Variants in HACL2 observed in about 807,000 individuals in gnomAD.
HACL2 encodes 2-hydroxyacyl-CoA lyase 1 like.
chr19:15,115,279 G>A, the HACL2 span: 1 of 1,614,160 alleles, frequency 6.2e-7, no homozygotes, highest in Non-Finnish European at 8.5e-7. Flanking sequence ...CATCGCGGAA[G>A]TCCGTCCTCC....
At chr19:15,123,019 C>A in the HACL2 span, 2 of 1,604,348 alleles carry the variant, frequency 1.2e-6, no homozygotes, top group Non-Finnish European at 8.5e-7. This position sits in a 1 kb window ranked among gnomAD's most constrained non-coding sequence, Gnocchi z 5.1. Context: ...CAGCCTGGAG[C>A]GCACCCCGGT....
the HACL2 span, chr19:15,125,277 G>C: frequency 1.7e-6 from 1 of 588,110 alleles, no homozygotes; most frequent in African/African-American, 1.9e-5. Flanking sequence ...CACGCCCCTC[G>C]CGGGGCTAGC....
chr19:15,119,122 G>T, the HACL2 span: 1 of 1,518,798 alleles, frequency 6.6e-7, no homozygotes, highest in Non-Finnish European at 8.8e-7. Flanking sequence ...ACAGGGTGAG[G>T]GGGTTCCTGG....
At chr19:15,120,128 T>A in the HACL2 span, 1 of 1,216,702 alleles carries the variant, frequency 8.2e-7, no homozygotes, top group Non-Finnish European at 1.2e-6. Flanking sequence ...ATTAACTAAC[T>A]ACAAGGATTC....
At chr19:15,120,515 A>G in the HACL2 span, among the ~76,000 whole-genome samples, 210 of 152,302 alleles carry the variant, frequency 1.4e-3, no homozygotes, top group African/African-American at 4.9e-3. Context: ...GGCGCTTTGC[A>G]TGGGAGTTCT....
chr19:15,119,185 C>T, the HACL2 span: 147 of 1,578,420 alleles, frequency 9.3e-5, no homozygotes, highest in African/African-American at 1.1e-3. Context: ...CAATGACATC[C>T]GCCTTCTTCA....
chr19:15,119,980 A>G, the HACL2 span: 1 of 1,545,470 alleles, frequency 6.5e-7, no homozygotes, highest in South Asian at 1.2e-5. Context: ...GAGGCAATTC[A>G]CCTGCTGCGG....
chr19:15,117,892 T>G, the HACL2 span: 20 of 1,613,876 alleles, frequency 1.2e-5, no homozygotes, highest in Non-Finnish European at 1.6e-5. Context: ...CTGCACAGCC[T>G]CCTGGGGCTT....
the HACL2 span, chr19:15,119,949 A>T: frequency 7.0e-7 from 1 of 1,426,912 alleles, no homozygotes; most frequent in Non-Finnish European, 9.6e-7. Flanking sequence ...GGGAGAGGGT[A>T]GGGTCCTCAG....
At chr19:15,116,820 ACACT>A in the HACL2 span, 3 of 412,666 alleles carry the variant, frequency 7.3e-6, no homozygotes. Context: ...TGCCTGGGAA[ACACT>A]CAATGAAAAG....
At chr19:15,123,857 C>G in the HACL2 span, 1 of 501,130 alleles carries the variant, frequency 2.0e-6, no homozygotes, top group Non-Finnish European at 3.6e-6. This position sits in a 1 kb window ranked among gnomAD's most constrained non-coding sequence, Gnocchi z 5.1. Context: ...TCTTAAGTGC[C>G]CCACTGTTAC....
At chr19:15,125,192 C>A in the HACL2 span, 2 of 969,588 alleles carry the variant, frequency 2.1e-6, no homozygotes, top group Non-Finnish European at 1.5e-6. Context: ...TGTGCGGCCA[C>A]GCCCCCAACC....
the HACL2 span, chr19:15,120,092 G>T: frequency 1.6e-5 from 25 of 1,517,212 alleles, no homozygotes; most frequent in Non-Finnish European, 2.2e-5. Flanking sequence ...CTGCAAAAGG[G>T]AGGGGGAAGA....
the HACL2 span, chr19:15,125,104 C>T: frequency 6.7e-7 from 1 of 1,483,522 alleles, no homozygotes; most frequent in Non-Finnish European, 9.0e-7. Flanking sequence ...GACTTGGGCG[C>T]GACAGGGAAC....
At chr19:15,115,956 A>AC in the HACL2 span, 1 of 1,614,096 alleles carries the variant, frequency 6.2e-7, no homozygotes, top group Non-Finnish European at 8.5e-7. Context: ...GTTAGGGTGG[A>AC]TCAGGACCTA....
chr19:15,119,457 C>A, the HACL2 span: 9 of 1,614,146 alleles, frequency 5.6e-6, no homozygotes, highest in Admixed American at 3.3e-5. Flanking sequence ...CAGGGCCTGA[C>A]TCCCCAGCAC....
the HACL2 span, among the ~76,000 whole-genome samples, chr19:15,122,397 G>A: frequency 6.6e-6 from 1 of 151,810 alleles, no homozygotes; most frequent in Non-Finnish European, 1.5e-5. The surrounding 1 kb of genome is among the most constrained non-coding windows in gnomAD (Gnocchi z 4.0). Flanking sequence ...GAGGGAGGAG[G>A]AAGAGGAGGA....
the HACL2 span, chr19:15,117,728 G>T: frequency 1.4e-6 from 1 of 719,276 alleles, no homozygotes; most frequent in Non-Finnish European, 2.3e-6. Context: ...TCATCAGTTT[G>T]AGAGCCAACT....
At chr19:15,125,048 G>C in the HACL2 span, 9 of 1,553,610 alleles carry the variant, frequency 5.8e-6, no homozygotes, top group Admixed American at 5.9e-5. Context: ...CGGCGGCCGC[G>C]GGGGTCTCCA....
Sources: gnomAD v4.1 joint callset for allele counts (sites outside exome capture counted in the v4.1 genomes callset) on GRCh38, gnomAD v4.1.1 for gene constraint, Gnocchi (gnomAD v3.1) non-coding constraint, MANE v1.5 for transcripts, NCBI Gene and HGNC (gene_info 2026-07-23, HGNC 2026-07-21) for gene names.